EYS: variants seen among roughly 807,000 people sequenced by gnomAD.
EYS encodes the protein EGF-like photoreceptor maintenance factor, also known as protein eyes shut homolog.
EYS carries 250 observed loss-of-function variants against 282.1 expected under a neutral mutation model. The observed-to-expected ratio is 0.89, with a 90% confidence interval of 0.80 to 0.98. EYS has a LOEUF of 0.98. EYS is among the 50% of genes least tolerant of loss of function. The pLI is 0.00. For synonymous variants in EYS, 1,355 were observed against 1,282.9 expected (o/e 1.06, Z -1.20); for missense variants, 4,016 against 3,709.0 (o/e 1.08, Z -2.15).
intron 19 of EYS, among the ~76,000 whole-genome samples, chr6:64,830,742 C>T (rs768113483): frequency 1.3e-5 from 2 of 151,874 alleles, no homozygotes; most frequent in Non-Finnish European, 2.9e-5. Context: ...ATTAGGTGTA[C>T]TTATTTTAGA....
chr6:64,745,692 G>A (rs1419597431), intron 22 of EYS, among the ~76,000 whole-genome samples: 1 of 152,042 alleles, frequency 6.6e-6, no homozygotes, highest in African/African-American at 2.4e-5. Flanking sequence ...CCAGAAAAAT[G>A]GTACCCCTAT....
At chr6:63,864,909 A>G (rs1772634970) in intron 35 of EYS, among the ~76,000 whole-genome samples, 1 of 152,208 alleles carries the variant, frequency 6.6e-6, no homozygotes, top group Non-Finnish European at 1.5e-5. Flanking sequence ...AGTGTGCATG[A>G]AAGCAGAGCT....
chr6:63,846,219 C>A (rs907408137), intron 36 of EYS, among the ~76,000 whole-genome samples: 3 of 152,060 alleles, frequency 2.0e-5, no homozygotes, highest in Admixed American at 6.6e-5. Context: ...AAGAAACAAC[C>A]CTGACGTGTA....
intron 31 of EYS, among the ~76,000 whole-genome samples, chr6:64,135,355 T>A (rs1215679375): frequency 1.3e-5 from 2 of 152,070 alleles, no homozygotes; most frequent in African/African-American, 4.8e-5. Context: ...AGTGTTTAGG[T>A]ATTACAAGAC....
intron 5 of EYS, among the ~76,000 whole-genome samples, chr6:65,452,541 A>T (rs1764445116): frequency 6.6e-6 from 1 of 152,030 alleles, no homozygotes; most frequent in African/African-American, 2.4e-5. Flanking sequence ...GGGAATTTTC[A>T]ATTTATATTC....
chr6:65,553,524 T>C (rs1020934319), intron 2 of EYS, among the ~76,000 whole-genome samples: 12 of 152,178 alleles, frequency 7.9e-5, no homozygotes, highest in African/African-American at 2.9e-4. Context: ...GATATTGTAC[T>C]ATTGAGGGAA....
At chr6:65,467,115 T>G (rs1217316529) in intron 5 of EYS, among the ~76,000 whole-genome samples, 1 of 152,168 alleles carries the variant, frequency 6.6e-6, no homozygotes, top group Non-Finnish European at 1.5e-5. Flanking sequence ...GTTTGGACTA[T>G]TTTTAAAACC....
At chr6:64,054,261 A>G (rs1042390462) in intron 33 of EYS, among the ~76,000 whole-genome samples, 1 of 152,200 alleles carries the variant, frequency 6.6e-6, no homozygotes. Context: ...GGAGTTGAGT[A>G]TGAGTTGGGA....
At chr6:64,382,809 ATAAGGGCAGGAATACATAGATGCAGAG>A (rs1772789538) in intron 29 of EYS, among the ~76,000 whole-genome samples, 1 of 152,200 alleles carries the variant, frequency 6.6e-6, no homozygotes, top group Admixed American at 6.5e-5. Context: ...CAAGAGTTTT[ATAAGGGCAGGAATACATAGATGCAGAG>A]CTGAAAAAAA....
At chr6:63,927,511 G>A (rs1764750960) in intron 35 of EYS, among the ~76,000 whole-genome samples, 1 of 152,208 alleles carries the variant, frequency 6.6e-6, no homozygotes, top group Admixed American at 6.5e-5. Context: ...CTCGAATTGA[G>A]ATGGATGTTC....
chr6:64,414,682 A>C (rs1305443388), intron 28 of EYS, among the ~76,000 whole-genome samples: 1 of 152,176 alleles, frequency 6.6e-6, no homozygotes, highest in African/African-American at 2.4e-5. Flanking sequence ...AGGAAAGCTC[A>C]CTGTAGTATA....
intron 22 of EYS, chr6:64,729,026 T>A (rs1390428168): frequency 6.6e-6 from 1 of 152,606 alleles, no homozygotes; most frequent in African/African-American, 2.4e-5. Flanking sequence ...GGATATCCAG[T>A]TGCTTCTCTT....
chr6:64,361,376 A>G (rs896623861), intron 29 of EYS, among the ~76,000 whole-genome samples: 2 of 151,768 alleles, frequency 1.3e-5, no homozygotes, highest in African/African-American at 4.8e-5. Flanking sequence ...TGTGTAAACA[A>G]TGTTATAGGA....
intron 33 of EYS, among the ~76,000 whole-genome samples, chr6:64,013,242 C>T (rs943823192): frequency 2.0e-5 from 3 of 152,136 alleles, no homozygotes; most frequent in African/African-American, 7.2e-5. Context: ...TTTCCAAGAA[C>T]TGTGATTTTC....
chr6:65,303,841 TA>T (rs1269796692), intron 11 of EYS: 1 of 598,810 alleles, frequency 1.7e-6, no homozygotes, highest in Non-Finnish European at 2.9e-6. Context: ...ATAGTGAAAT[TA>T]AAAAAACAGT....
chr6:65,298,399 G>A (rs1171236485), intron 11 of EYS, among the ~76,000 whole-genome samples: 1 of 151,852 alleles, frequency 6.6e-6, no homozygotes, highest in African/African-American at 2.4e-5. Flanking sequence ...GAAAATTTGG[G>A]GTAGAAACTA....
At chr6:65,177,290 G>A (rs1459860408) in intron 12 of EYS, among the ~76,000 whole-genome samples, 1 of 151,712 alleles carries the variant, frequency 6.6e-6, no homozygotes, top group African/African-American at 2.4e-5. Flanking sequence ...TATCAAATTG[G>A]CCACTAGAAA....
In EYS at chr6:64,638,434, C is replaced by G. The variant is rs1408939868; in HGVS notation, c.3444-12189G>C. ...AATTAAATGATTATTAAAATACACG[C>G]ATAATGTTGTAATGATAATTATTAA... On this transcript the variant is annotated intron_variant, in intron 22 of 42. Coordinates refer to ENST00000503581, the MANE Select transcript of EYS (RefSeq NM_001142800.2). Among the ~76,000 whole-genome samples, 2 of 91,836 alleles carry G rather than the reference C, an allele frequency of 2.2e-5. 1 individual carries two copies. Among genetic ancestry groups the G allele is most frequent in the Non-Finnish European group, 4.7e-5 (2 of 42,338 alleles). The allele number at this position is 91,836 out of a possible 152,430, so 60.2% of individuals were successfully genotyped here.
chr6:64,506,102 G>A (rs1338752358), intron 26 of EYS, among the ~76,000 whole-genome samples: 1 of 151,986 alleles, frequency 6.6e-6, no homozygotes, highest in African/African-American at 2.4e-5. Context: ...TTCTTTCATA[G>A]AATTATGAAA....
Sources: gnomAD v4.1 joint callset for allele counts (sites outside exome capture counted in the v4.1 genomes callset) on GRCh38, gnomAD v4.1.1 for gene constraint, MANE v1.5 for transcripts, NCBI Gene and HGNC (gene_info 2026-07-23, HGNC 2026-07-21) for gene names.